Variants in RBFOX1 observed in about 807,000 individuals in gnomAD.
RBFOX1 encodes the protein RNA binding protein fox-1 homolog 1.
RBFOX1 carries 8 observed loss-of-function variants against 57.7 expected under a neutral mutation model. That is an observed-to-expected ratio of 0.14 (90% CI 0.08 to 0.25). RBFOX1 has a LOEUF of 0.25. Ranked by LOEUF, RBFOX1 falls within the 10% of genes least tolerant of loss-of-function variation. RBFOX1 has a pLI of 1.00. For synonymous variants in RBFOX1, 326 were observed against 222.4 expected, an observed-to-expected ratio of 1.47 and a Z score of -4.15; for missense variants, 611 against 548.5, an observed-to-expected ratio of 1.11 and a Z score of -1.14.
chr16:7,495,601 G>T (rs987595946), intron 4 of RBFOX1, among the ~76,000 whole-genome samples: 3 of 152,134 alleles, frequency 2.0e-5, no homozygotes, highest in Admixed American at 2.0e-4. Context: ...TATGTTTGTT[G>T]ACTGTGTTTA....
intron 3 of RBFOX1, among the ~76,000 whole-genome samples, chr16:5,729,711 T>G (rs1186679479): frequency 1.3e-5 from 2 of 152,176 alleles, no homozygotes; most frequent in African/African-American, 2.4e-5. Flanking sequence ...GGAAAGGCAC[T>G]TTTATTCTTC....
chr16:6,890,311 G>T lies in RBFOX1; in HGVS notation c.-15-161746G>T, dbSNP rs577994726. Among the ~76,000 whole-genome samples, 4 of 152,242 alleles carry T rather than the reference G, an allele frequency of 2.6e-5. No individual in the cohort carries two copies. In the East Asian group the frequency reaches 5.8e-4, roughly 22 times the overall value. On this transcript the variant is annotated intron_variant, in intron 3 of 15. Coordinates refer to ENST00000550418, the MANE Select transcript of RBFOX1 (RefSeq NM_018723.4). ...AGGCAGGTGGATTGCTTGAGGTCAGGAGTTCAAGACCAGCCTGGCCTACAA... is the reference window on the plus strand; with the variant it reads ...AGGCAGGTGGATTGCTTGAGGTCAGTAGTTCAAGACCAGCCTGGCCTACAA...
At chr16:7,257,560 C>T (rs1031581558) in intron 4 of RBFOX1, among the ~76,000 whole-genome samples, 1 of 152,254 alleles carries the variant, frequency 6.6e-6, no homozygotes, top group South Asian at 2.1e-4. Context: ...GTCTCCCATT[C>T]CAGCCCACCG....
chr16:6,688,716 G>A (rs909812132), intron 3 of RBFOX1, among the ~76,000 whole-genome samples: 1 of 152,090 alleles, frequency 6.6e-6, no homozygotes, highest in African/African-American at 2.4e-5. Context: ...GTATACACAT[G>A]CCATGGTGGT....
intron 3 of RBFOX1, among the ~76,000 whole-genome samples, chr16:5,858,342 T>C (rs901542794): frequency 6.6e-6 from 1 of 152,206 alleles, no homozygotes; most frequent in Non-Finnish European, 1.5e-5. Flanking sequence ...CCGTGTTTTC[T>C]ACCATGTGTC....
At chr16:5,829,815 G>C (rs2056200901) in intron 3 of RBFOX1, among the ~76,000 whole-genome samples, 1 of 152,182 alleles carries the variant, frequency 6.6e-6, no homozygotes, top group Admixed American at 6.5e-5. Context: ...GAATCAAAGA[G>C]AAATTAGAAC....
At chr16:5,386,579 C>T (rs1406337889) in intron 1 of RBFOX1, among the ~76,000 whole-genome samples, 1 of 152,176 alleles carries the variant, frequency 6.6e-6, no homozygotes, top group Non-Finnish European at 1.5e-5. Context: ...TGCAGCCCCA[C>T]TCTCTCTTAA....
intron 3 of RBFOX1, among the ~76,000 whole-genome samples, chr16:6,927,076 G>A (rs1236644361): frequency 1.3e-5 from 2 of 151,760 alleles, no homozygotes; most frequent in African/African-American, 2.4e-5. Context: ...TTCCTATACC[G>A]ATGGGCCTCA....
intron 3 of RBFOX1, among the ~76,000 whole-genome samples, chr16:6,938,935 A>C (rs755903515): frequency 6.6e-6 from 1 of 152,066 alleles, no homozygotes; most frequent in Non-Finnish European, 1.5e-5. Flanking sequence ...CCATCTCAAA[A>C]AAGAAAGTAA....
At chr16:6,914,390 A>G (rs2072547320) in intron 3 of RBFOX1, among the ~76,000 whole-genome samples, 1 of 152,140 alleles carries the variant, frequency 6.6e-6, no homozygotes, top group East Asian at 1.9e-4. Context: ...CATGATTCAG[A>G]ATCTACAAGT....
At chr16:6,430,266 A>G (rs2094042350) in intron 2 of RBFOX1, among the ~76,000 whole-genome samples, 1 of 152,180 alleles carries the variant, frequency 6.6e-6, no homozygotes, top group Admixed American at 6.5e-5. Context: ...GCACCAGGGA[A>G]TATAAAACAG....
At chr16:6,477,314 T>G (rs1164629652) in intron 2 of RBFOX1, among the ~76,000 whole-genome samples, 1 of 152,200 alleles carries the variant, frequency 6.6e-6, no homozygotes, top group Non-Finnish European at 1.5e-5. Context: ...ATGAGATATA[T>G]TTCCTAAATA....
chr16:6,607,453 CCT>C (rs1266141279), intron 2 of RBFOX1, among the ~76,000 whole-genome samples: 4 of 139,124 alleles, frequency 2.9e-5, no homozygotes, highest in Non-Finnish European at 6.1e-5. Context: ...TATCTCTCTT[CCT>C]CTCTCTCTTC....
chr16:6,261,476 C>G (rs1261342451), intron 1 of RBFOX1, among the ~76,000 whole-genome samples: 1 of 152,162 alleles, frequency 6.6e-6, no homozygotes, highest in African/African-American at 2.4e-5. Flanking sequence ...CAGACATGCC[C>G]TGTGAGAGTT....
chr16:7,664,814 G>A (rs956965927), intron 12 of RBFOX1, 115 bp from the exon 13 acceptor site: 15 of 1,582,292 alleles, frequency 9.5e-6, no homozygotes, highest in East Asian at 2.3e-5. Context: ...AACGATCCTC[G>A]GTTCCTGTGT....
intron 1 of RBFOX1, among the ~76,000 whole-genome samples, chr16:6,151,477 G>T (rs1418041500): frequency 6.6e-6 from 1 of 152,012 alleles, no homozygotes; most frequent in Non-Finnish European, 1.5e-5. Context: ...GTAGAGATGG[G>T]GTTTCACCAT....
chr16:6,870,265 C>A (rs565207091), intron 3 of RBFOX1, among the ~76,000 whole-genome samples: 1 of 152,062 alleles, frequency 6.6e-6, no homozygotes, highest in Non-Finnish European at 1.5e-5. Context: ...AGAGCATTCC[C>A]TTTGGTCGCT....
At chr16:7,371,572 A>T (rs2097566715) in intron 4 of RBFOX1, among the ~76,000 whole-genome samples, 1 of 152,140 alleles carries the variant, frequency 6.6e-6, no homozygotes, top group Admixed American at 6.6e-5. Context: ...CAACATGGTG[A>T]AACCCTGTCT....
chr16:7,546,619 C>T (rs2084629253), intron 5 of RBFOX1, among the ~76,000 whole-genome samples: 1 of 152,088 alleles, frequency 6.6e-6, no homozygotes, highest in Non-Finnish European at 1.5e-5. Context: ...AAAGATGATA[C>T]CTGCTATACT....
Sources: gnomAD v4.1 joint callset for allele counts (sites outside exome capture counted in the v4.1 genomes callset) on GRCh38, gnomAD v4.1.1 for gene constraint, MANE v1.5 for transcripts, NCBI Gene and HGNC (gene_info 2026-07-23, HGNC 2026-07-21) for gene names.